TRPM3: variants seen among roughly 807,000 people sequenced by gnomAD.
TRPM3 encodes long transient receptor potential channel 3.
Under a neutral mutation model 181.2 loss-of-function variants are expected in TRPM3, and 77 were observed. The ratio of observed to expected loss-of-function variants is 0.42; its 90% CI spans 0.35 to 0.51. The LOEUF (loss-of-function observed/expected upper bound fraction) is 0.51. Among genes scored for constraint, TRPM3 ranks in the 20% least tolerant of loss-of-function variants. The pLI, the probability that TRPM3 is intolerant of heterozygous loss-of-function variation, is 0.01. For synonymous variants in TRPM3, 745 were observed against 796.4 expected (o/e 0.94, Z 1.09); for missense variants, 1,759 against 2,196.7 (o/e 0.80, Z 3.98).
chr9:71,106,157 C>T (rs919868018), intron 1 of TRPM3, among the ~76,000 whole-genome samples: 4 of 152,140 alleles, frequency 2.6e-5, no homozygotes, highest in African/African-American at 9.7e-5. Context: ...CGGAATTCAT[C>T]TTGGTATTTA....
intron 1 of TRPM3, among the ~76,000 whole-genome samples, chr9:71,320,401 A>G (rs553396965): frequency 1.4e-4 from 22 of 152,154 alleles, no homozygotes; most frequent in Non-Finnish European, 3.1e-4. Flanking sequence ...AAGAGTCTCC[A>G]GGAAAGGACT....
At chr9:70,897,678 G>A (rs1456578187) in intron 1 of TRPM3, among the ~76,000 whole-genome samples, 1 of 152,118 alleles carries the variant, frequency 6.6e-6, no homozygotes. Flanking sequence ...GAAACTGATG[G>A]CATCTAGTGG....
chr9:70,566,994 G>C (rs773738120), intron 22 of TRPM3, among the ~76,000 whole-genome samples: 1 of 152,212 alleles, frequency 6.6e-6, no homozygotes, highest in Non-Finnish European at 1.5e-5. Context: ...AGGTTTGGGA[G>C]AGGGAACAAG....
chr9:71,420,439 T>C (rs2093708212), intron 1 of TRPM3, among the ~76,000 whole-genome samples: 1 of 151,682 alleles, frequency 6.6e-6, no homozygotes. Flanking sequence ...TATGCCACTT[T>C]GGCATAAGGA....
Position 70,697,049 on chromosome 9 carries a change from G to A in TRPM3, c.1273-15471C>T, listed in dbSNP as rs566124576. Reference sequence around the variant, plus strand: ...TCATGGCATTTTTCTAGGGCCACTCGAGAAGAAGAAGCAAAGCAGCGTCCT... The same window carrying A: ...TCATGGCATTTTTCTAGGGCCACTCAAGAAGAAGAAGCAAAGCAGCGTCCT... On this transcript the variant is annotated intron_variant, in intron 8 of 25. Transcript: ENST00000677713. Among the ~76,000 whole-genome samples the A allele has an allele frequency of 4.6e-5, 7 of 152,148 alleles. 1 individual carries two copies. In the East Asian group the frequency reaches 5.8e-4, roughly 13 times the overall value.
At chr9:71,240,954 A>C (rs2081630579) in intron 1 of TRPM3, among the ~76,000 whole-genome samples, 1 of 152,186 alleles carries the variant, frequency 6.6e-6, no homozygotes. Flanking sequence ...ATTGTGCTTT[A>C]TATTATTAGT....
intron 1 of TRPM3, among the ~76,000 whole-genome samples, chr9:70,916,532 T>C (rs181166704): frequency 3.9e-4 from 60 of 152,328 alleles, no homozygotes; most frequent in African/African-American, 1.2e-3. Flanking sequence ...TATTAGTTTT[T>C]GCTTCTTTTT....
chr9:71,164,636 G>T (rs185752689), intron 1 of TRPM3, among the ~76,000 whole-genome samples: 1 of 152,244 alleles, frequency 6.6e-6, no homozygotes, highest in Admixed American at 6.5e-5. Flanking sequence ...ATTTTAAGGA[G>T]AAGGAGAGTG....
intron 22 of TRPM3, among the ~76,000 whole-genome samples, chr9:70,560,244 C>G (rs2131987695): frequency 6.6e-6 from 1 of 152,270 alleles, no homozygotes; most frequent in East Asian, 1.9e-4. Context: ...AATGCCAGAA[C>G]CATTCCATAT....
intron 22 of TRPM3, among the ~76,000 whole-genome samples, chr9:70,582,187 T>TGTGC (rs1554762613): frequency 6.8e-6 from 1 of 146,788 alleles, no homozygotes; most frequent in Non-Finnish European, 1.5e-5. Flanking sequence ...TGTGCGTGTG[T>TGTGC]GTGTGTGTGT....
chr9:71,134,291 A>T (rs1002329900), intron 1 of TRPM3, among the ~76,000 whole-genome samples: 17 of 152,186 alleles, frequency 1.1e-4, no homozygotes, highest in African/African-American at 4.1e-4. Flanking sequence ...TCAGCCAGGC[A>T]CAGTGGCTCA....
intron 1 of TRPM3, among the ~76,000 whole-genome samples, chr9:70,991,901 T>C (rs934869979): frequency 1.3e-5 from 2 of 152,196 alleles, no homozygotes; most frequent in African/African-American, 4.8e-5. Context: ...GTTCTGGGCA[T>C]GCTGTTCCTT....
chr9:70,957,522 C>T (rs1296467127), intron 1 of TRPM3, among the ~76,000 whole-genome samples: 1 of 152,154 alleles, frequency 6.6e-6, no homozygotes, highest in Admixed American at 6.5e-5. Context: ...CTTTTAAATC[C>T]TTAGTTTTCA....
intron 5 of TRPM3, among the ~76,000 whole-genome samples, chr9:70,841,121 A>G (rs1475904096): frequency 6.6e-6 from 1 of 152,172 alleles, no homozygotes; most frequent in East Asian, 1.9e-4. Flanking sequence ...TTTAAGACAC[A>G]TATTTGTTCT....
intron 1 of TRPM3, among the ~76,000 whole-genome samples, chr9:71,392,465 T>G (rs2093084732): frequency 6.6e-6 from 1 of 152,110 alleles, no homozygotes; most frequent in Admixed American, 6.6e-5. Flanking sequence ...AACTTGAAGT[T>G]CCCCAAATTT....
At chr9:70,993,319 T>C (rs2097506751) in intron 1 of TRPM3, among the ~76,000 whole-genome samples, 1 of 152,108 alleles carries the variant, frequency 6.6e-6, no homozygotes, top group Admixed American at 6.6e-5. Context: ...GTGATGGCAG[T>C]TTTACATTAG....
At chr9:71,001,916 C>T (rs1161806458) in intron 1 of TRPM3, among the ~76,000 whole-genome samples, 1 of 152,144 alleles carries the variant, frequency 6.6e-6, no homozygotes, top group Non-Finnish European at 1.5e-5. Flanking sequence ...ACCCAAGGAA[C>T]AAAGGAAATG....
chr9:70,858,102 T>C (rs2095432320), intron 3 of TRPM3, among the ~76,000 whole-genome samples: 1 of 152,190 alleles, frequency 6.6e-6, no homozygotes, highest in Non-Finnish European at 1.5e-5. Flanking sequence ...GTGTCTCATA[T>C]TATGTCCAGA....
intron 6 of TRPM3, among the ~76,000 whole-genome samples, chr9:70,804,142 C>A (rs1414099324): frequency 6.6e-6 from 1 of 151,986 alleles, no homozygotes; most frequent in Non-Finnish European, 1.5e-5. Context: ...ATCAGCCTGA[C>A]CAACATGGCA....
Sources: gnomAD v4.1 joint callset for allele counts (sites outside exome capture counted in the v4.1 genomes callset) on GRCh38, gnomAD v4.1.1 for gene constraint, MANE v1.5 for transcripts, NCBI Gene and HGNC (gene_info 2026-07-23, HGNC 2026-07-21) for gene names.